PPM1H: variants seen among roughly 807,000 people sequenced by gnomAD.
PPM1H encodes protein phosphatase 1H.
Under a neutral mutation model 54.9 loss-of-function variants are expected in PPM1H, and 27 were observed. The ratio of observed to expected loss-of-function variants is 0.49; its 90% CI spans 0.36 to 0.68. The LOEUF (loss-of-function observed/expected upper bound fraction) is 0.68, where lower values mean the gene tolerates loss of function less well. PPM1H is among the 30% of genes least tolerant of loss of function. PPM1H has a pLI of 0.00. For missense variants in PPM1H, 596 were observed against 667.8 expected, an observed-to-expected ratio of 0.89 and a Z score of 1.19; for synonymous variants, 305 against 270.8, an observed-to-expected ratio of 1.13 and a Z score of -1.24.
chr12:62,784,784 A>G (rs1431937520), intron 4 of PPM1H, among the ~76,000 whole-genome samples: 4 of 152,250 alleles, frequency 2.6e-5, no homozygotes, highest in African/African-American at 4.8e-5. Flanking sequence ...TAGTATGGCA[A>G]ACTAGACAAC....
chr12:62,726,279 T>TA (rs1273433288), intron 5 of PPM1H, among the ~76,000 whole-genome samples: 1 of 152,062 alleles, frequency 6.6e-6, no homozygotes, highest in Non-Finnish European at 1.5e-5. Context: ...GGAAAACACT[T>TA]ACGGTTATTA....
At chr12:62,759,260 C>G (rs1392778410) in intron 4 of PPM1H, among the ~76,000 whole-genome samples, 1 of 152,212 alleles carries the variant, frequency 6.6e-6, no homozygotes, top group Non-Finnish European at 1.5e-5. Flanking sequence ...CCCCTGTCCT[C>G]ACCTCACTCT....
intron 1 of PPM1H, among the ~76,000 whole-genome samples, chr12:62,853,725 T>C (rs1869279746): frequency 6.6e-6 from 1 of 152,110 alleles, no homozygotes; most frequent in African/African-American, 2.4e-5. Context: ...AACTCATTGA[T>C]AAAGGGAACA....
chr12:62,809,347 G>A (rs867739071), intron 2 of PPM1H, among the ~76,000 whole-genome samples: 4 of 152,230 alleles, frequency 2.6e-5, no homozygotes, highest in South Asian at 4.2e-4. Context: ...TACCAGGCCC[G>A]GCCTGTACAC....
chr12:62,764,688 C>T (rs1456305512), intron 4 of PPM1H, among the ~76,000 whole-genome samples: 1 of 152,090 alleles, frequency 6.6e-6, no homozygotes, highest in African/African-American at 2.4e-5. Flanking sequence ...GATGGGGAAG[C>T]AGAGAGGGCA....
chr12:62,725,899 C>A (rs1440228252), intron 5 of PPM1H, among the ~76,000 whole-genome samples: 2 of 152,188 alleles, frequency 1.3e-5, no homozygotes, highest in South Asian at 2.1e-4. Context: ...CCCACTGATA[C>A]TGATGCCACA....
In PPM1H at chr12:62,904,947, C is replaced by T. The variant is rs190493775; in HGVS notation, c.245+29545G>A. On this transcript the variant is annotated intron_variant, in intron 1 of 9. Coordinates refer to ENST00000228705, the MANE Select transcript of PPM1H (RefSeq NM_020700.2). The stretch of plus-strand genomic sequence containing the variant: ...TAACAGCCACAGCAGCCTTTTCCCA[C>T]GCCAGCAGCATTCACTCCTAATAAC... Among the ~76,000 whole-genome samples the T allele has an allele frequency of 2.7e-3, 412 of 152,194 alleles. 4 individuals are homozygous for T. The highest frequency in any genetic ancestry group is 2.6e-3 in the Non-Finnish European group (177 of 68,016).
intron 8 of PPM1H, among the ~76,000 whole-genome samples, chr12:62,684,623 C>G (rs2076041399): frequency 6.6e-6 from 1 of 152,136 alleles, no homozygotes; most frequent in Admixed American, 6.5e-5. Context: ...CCACCCCCAG[C>G]CCCCTACAAC....
chr12:62,653,545 C>G (rs1388000222), intron 9 of PPM1H, among the ~76,000 whole-genome samples: 2 of 152,220 alleles, frequency 1.3e-5, no homozygotes, highest in African/African-American at 4.8e-5. Flanking sequence ...CTCTTCTAAA[C>G]TTGTTCTGTT....
chr12:62,792,731 AG>A (rs1354430976), intron 3 of PPM1H, among the ~76,000 whole-genome samples: 3 of 152,202 alleles, frequency 2.0e-5, no homozygotes, highest in African/African-American at 4.8e-5. Context: ...CCTCCTCCCT[AG>A]AAGCCAAAAT....
intron 4 of PPM1H, among the ~76,000 whole-genome samples, chr12:62,758,247 A>G (rs1414102111): frequency 6.6e-6 from 1 of 152,144 alleles, no homozygotes; most frequent in African/African-American, 2.4e-5. Flanking sequence ...CACATGAATA[A>G]TTCTTGGAAG....
At chr12:62,732,654 T>C (rs1298480937) in intron 5 of PPM1H, among the ~76,000 whole-genome samples, 3 of 150,832 alleles carry the variant, frequency 2.0e-5, no homozygotes, top group Non-Finnish European at 3.0e-5. Flanking sequence ...TCACTGCAAG[T>C]TCTGCCTCCC....
chr12:62,763,481 T>C (rs1407774618), intron 4 of PPM1H, among the ~76,000 whole-genome samples: 1 of 152,230 alleles, frequency 6.6e-6, no homozygotes, highest in Non-Finnish European at 1.5e-5. Context: ...TTTTCAGCTG[T>C]GAGACTAATT....
chr12:62,915,818 C>T (rs931347590), intron 1 of PPM1H, among the ~76,000 whole-genome samples: 5 of 152,178 alleles, frequency 3.3e-5, no homozygotes, highest in African/African-American at 1.2e-4. Context: ...TCAGGCTCCA[C>T]GTGGGGATTC....
intron 8 of PPM1H, among the ~76,000 whole-genome samples, chr12:62,669,538 C>T (rs967621362): frequency 1.3e-5 from 2 of 152,160 alleles, no homozygotes; most frequent in South Asian, 2.1e-4. Flanking sequence ...AGGGAATCAA[C>T]GTCTCAGTGG....
chr12:62,918,866 T>G (rs1275986579), intron 1 of PPM1H, among the ~76,000 whole-genome samples: 1 of 152,200 alleles, frequency 6.6e-6, no homozygotes, highest in African/African-American at 2.4e-5. Flanking sequence ...AAAATAGATA[T>G]GTACTAATAG....
chr12:62,868,973 C>G (rs1339764577), intron 1 of PPM1H, among the ~76,000 whole-genome samples: 3 of 152,220 alleles, frequency 2.0e-5, no homozygotes, highest in Non-Finnish European at 4.4e-5. Context: ...ACTCCCAGAC[C>G]TGGTCTGAAC....
At chr12:62,667,764 T>A (rs1452711386) in intron 8 of PPM1H, among the ~76,000 whole-genome samples, 1 of 152,236 alleles carries the variant, frequency 6.6e-6, no homozygotes, top group Non-Finnish European at 1.5e-5. Context: ...GTTAAATATC[T>A]GATTTTTCTG....
chr12:62,932,496 C>G (rs1177843575), intron 1 of PPM1H, among the ~76,000 whole-genome samples: 1 of 152,086 alleles, frequency 6.6e-6, no homozygotes, highest in South Asian at 2.1e-4. Flanking sequence ...CCTTGACAGG[C>G]GCCCTCGCCC....
Sources: allele counts gnomAD v4.1 joint callset (sites outside exome capture counted in the v4.1 genomes callset), GRCh38; gene constraint gnomAD v4.1.1; transcripts MANE v1.5; gene names NCBI Gene and HGNC (gene_info 2026-07-23, HGNC 2026-07-21).